Variants in BZW2 observed in about 807,000 individuals in gnomAD.
BZW2 encodes the protein eIF5-mimic protein 1.
Under a neutral mutation model 53.2 loss-of-function variants are expected in BZW2, and 23 were observed. The ratio of observed to expected loss-of-function variants is 0.43; its 90% CI spans 0.31 to 0.61. BZW2 has a LOEUF of 0.61. Ranked by LOEUF, BZW2 falls within the 20% of genes least tolerant of loss-of-function variation. BZW2 has a pLI of 0.09. For missense variants in BZW2, 409 were observed against 503.1 expected (o/e 0.81, Z 1.79); for synonymous variants, 227 against 186.4 (o/e 1.22, Z -1.77).
chr7:16,665,291 G>A (rs910261113), intron 1 of BZW2, 146 bp from the exon 2 acceptor site: 24 of 958,632 alleles, frequency 2.5e-5, no homozygotes, highest in South Asian at 9.5e-5. Flanking sequence ...GGGCGACAGC[G>A]AGACTCTGTC....
intron 1 of BZW2, among the ~76,000 whole-genome samples, chr7:16,648,765 C>G (rs932513342): frequency 5.3e-5 from 8 of 152,238 alleles, no homozygotes; most frequent in Middle Eastern, 3.4e-3. Flanking sequence ...AATTTCCACC[C>G]CTTTGTTCCT....
At chr7:16,655,031 T>A (rs1782086856) in intron 1 of BZW2, among the ~76,000 whole-genome samples, 1 of 152,226 alleles carries the variant, frequency 6.6e-6, no homozygotes, top group Non-Finnish European at 1.5e-5. Flanking sequence ...CCTACTTTTT[T>A]GCTTCTGTTC....
At position 16,674,392 on chromosome 7, in the gene BZW2, T is replaced by C. The variant is rs775814878; in HGVS notation, c.59-20T>C. Reference sequence around the variant, plus strand: ...ATTTATTTATTTATTTGACTGTTATTTTGAATTGTTTTATTTTAGATGAAA... The same window carrying C: ...ATTTATTTATTTATTTGACTGTTATCTTGAATTGTTTTATTTTAGATGAAA... On this transcript the variant is annotated intron_variant, in intron 2 of 11. Transcript: ENST00000258761. 3.9e-6 allele frequency: 6 copies of C among 1,535,558 alleles called. No individual in the cohort carries two copies. Among genetic ancestry groups the C allele is most frequent in the Non-Finnish European group, 5.3e-6 (6 of 1,131,350 alleles).
intron 1 of BZW2, among the ~76,000 whole-genome samples, chr7:16,663,648 A>AT (rs1419155990): frequency 6.6e-6 from 1 of 152,124 alleles, no homozygotes; most frequent in Non-Finnish European, 1.5e-5. Context: ...AATAATGTAA[A>AT]TTTTTTATTG....
chr7:16,678,019 A>G lies in BZW2; in HGVS notation c.236-3282A>G, dbSNP rs904313253. Among the ~76,000 whole-genome samples the G allele has an allele frequency of 7.2e-5, 11 of 151,904 alleles. 1 individual carries two copies. Among genetic ancestry groups the G allele is most frequent in the Admixed American group, 2.6e-4 (4 of 15,246 alleles). On this transcript the variant is annotated intron_variant, in intron 3 of 11. Transcript: ENST00000258761. ...AGCCAGCTAGGTGCATTCTTCTTAC[A>G]TAAATGCTTTGTTTAATTATTATGT... is the stretch of plus-strand genomic sequence containing the variant.
chr7:16,694,785 C>T (rs1783426356), intron 7 of BZW2, 49 bp from the exon 8 acceptor site: 1 of 1,401,068 alleles, frequency 7.1e-7, no homozygotes, highest in Non-Finnish European at 9.5e-7. Flanking sequence ...TTTATGCTTG[C>T]TGAAATTTGA....
intron 2 of BZW2, among the ~76,000 whole-genome samples, chr7:16,673,330 A>AT (rs2128358021): frequency 6.6e-6 from 1 of 152,272 alleles, no homozygotes; most frequent in Non-Finnish European, 1.5e-5. Flanking sequence ...AATCAAAACC[A>AT]TTTTTATAAT....
intron 10 of BZW2, among the ~76,000 whole-genome samples, chr7:16,703,297 C>A (rs1403591463): frequency 6.6e-6 from 1 of 152,120 alleles, no homozygotes; most frequent in Non-Finnish European, 1.5e-5. Context: ...TGATAATAAA[C>A]ATGTTTTTTT....
chr7:16,654,193 A>G (rs1391880958), intron 1 of BZW2, among the ~76,000 whole-genome samples: 1 of 151,498 alleles, frequency 6.6e-6, no homozygotes, highest in Non-Finnish European at 1.5e-5. Context: ...TTGTGCCACT[A>G]CACTCCAGCC....
intron 1 of BZW2, among the ~76,000 whole-genome samples, chr7:16,650,720 A>G (rs1234364494): frequency 6.6e-6 from 1 of 152,244 alleles, no homozygotes; most frequent in Non-Finnish European, 1.5e-5. Flanking sequence ...ATAAACAAGA[A>G]TACTTTTCAT....
intron 2 of BZW2, among the ~76,000 whole-genome samples, chr7:16,667,303 A>C (rs555489401): frequency 3.3e-5 from 5 of 152,142 alleles, no homozygotes; most frequent in African/African-American, 1.2e-4. Flanking sequence ...CAAAAAAAAA[A>C]ACGCTGAACT....
intron 1 of BZW2, among the ~76,000 whole-genome samples, chr7:16,653,417 C>T (rs1209518203): frequency 1.3e-5 from 2 of 152,196 alleles, no homozygotes; most frequent in African/African-American, 4.8e-5. Context: ...GTCACCAACA[C>T]TCCCATCAGT....
At chr7:16,653,361 T>C (rs1782034995) in intron 1 of BZW2, among the ~76,000 whole-genome samples, 1 of 152,208 alleles carries the variant, frequency 6.6e-6, no homozygotes, top group Non-Finnish European at 1.5e-5. Context: ...ACTTCAACAC[T>C]CTTTTACTTT....
intron 7 of BZW2, among the ~76,000 whole-genome samples, chr7:16,691,928 A>G (rs61501825): frequency 0.053 from 7,995 of 152,102 alleles, 687 homozygotes; most frequent in African/African-American, 0.18. Context: ...TTGTGTATAT[A>G]TATGGAACAT....
intron 1 of BZW2, among the ~76,000 whole-genome samples, chr7:16,649,959 A>G (rs942398227): frequency 6.6e-6 from 1 of 152,216 alleles, no homozygotes; most frequent in Admixed American, 6.5e-5. Flanking sequence ...GAGATTTTCC[A>G]TAATGAAGTT....
At chr7:16,665,924 C>G (rs893875332) in intron 2 of BZW2, among the ~76,000 whole-genome samples, 1 of 152,036 alleles carries the variant, frequency 6.6e-6, no homozygotes, top group East Asian at 1.9e-4. Context: ...ATGAAGAAGT[C>G]AAAATAAATC....
At chr7:16,656,555 G>GCACACACACACACACA (rs376412401) in intron 1 of BZW2, among the ~76,000 whole-genome samples, 10 of 141,302 alleles carry the variant, frequency 7.1e-5, no homozygotes, top group African/African-American at 2.6e-4. Flanking sequence ...GCGCGCGCGC[G>GCACACACACACACACA]CACACACACA....
chr7:16,667,198 G>A (rs1468698506), intron 2 of BZW2, among the ~76,000 whole-genome samples: 2 of 151,062 alleles, frequency 1.3e-5, no homozygotes, highest in East Asian at 1.9e-4. Context: ...AAGGAGAATC[G>A]CTTGAACCCA....
intron 1 of BZW2, among the ~76,000 whole-genome samples, chr7:16,658,594 C>T (rs897195549): frequency 6.6e-6 from 1 of 151,906 alleles, no homozygotes; most frequent in South Asian, 2.1e-4. Context: ...ATATTGCTGT[C>T]GGCCAGGCGC....
Sources: gnomAD v4.1 joint callset for allele counts (sites outside exome capture counted in the v4.1 genomes callset) on GRCh38, gnomAD v4.1.1 for gene constraint, MANE v1.5 for transcripts, NCBI Gene and HGNC (gene_info 2026-07-23, HGNC 2026-07-21) for gene names.